PLEKHA7: variants seen among roughly 807,000 people sequenced by gnomAD.
PLEKHA7 encodes pleckstrin homology domain containing A7, also known as pleckstrin homology domain-containing family A member 7.
In PLEKHA7, 104 loss-of-function variants were observed where a neutral mutation model predicts 170.0. The observed-to-expected ratio is 0.61, with a 90% confidence interval of 0.52 to 0.72. The LOEUF is 0.72. PLEKHA7 is among the 30% of genes least tolerant of loss of function. The pLI is 0.00. For synonymous variants in PLEKHA7, 648 were observed against 660.8 expected (o/e 0.98, Z 0.30); for missense variants, 1,615 against 1,671.7 (o/e 0.97, Z 0.59).
At chr11:16,862,608 T>C (rs1305390218) in intron 4 of PLEKHA7, among the ~76,000 whole-genome samples, 1 of 152,210 alleles carries the variant, frequency 6.6e-6, no homozygotes, top group Non-Finnish European at 1.5e-5. Context: ...TGCAGCATTT[T>C]TGCCCAGCAC....
At chr11:17,004,423 A>T in intron 3 of PLEKHA7, among the ~76,000 whole-genome samples, 1 of 139,082 alleles carries the variant, frequency 7.2e-6, no homozygotes, top group East Asian at 2.1e-4. Context: ...ACACTGTTTC[A>T]CTCTTGTCGC....
Position 16,782,906 on chromosome 11 carries a change from G to A in PLEKHA7, c.3651-10C>T, listed in dbSNP as rs1464577861. On this transcript the variant is annotated splice_polypyrimidine_tract_variant and intron_variant, in intron 25 of 26. Transcript: ENST00000531066. ...CTGTAGGTTGCACATGCTGTAGGAGGGTCGGAAGCAGACCATGGGCCCTCC... is the reference window on the plus strand; with the variant it reads ...CTGTAGGTTGCACATGCTGTAGGAGAGTCGGAAGCAGACCATGGGCCCTCC... 6.5e-7 allele frequency: 1 copy of A among 1,535,382 alleles called. No individual in the cohort carries two copies. Among genetic ancestry groups the A allele is most frequent in the African/African-American group, 1.4e-5 (1 of 73,152 alleles).
chr11:16,977,218 G>A (rs148037598), intron 3 of PLEKHA7, among the ~76,000 whole-genome samples: 4 of 152,184 alleles, frequency 2.6e-5, no homozygotes, highest in African/African-American at 7.2e-5. Context: ...AAAAGCTTAC[G>A]ACAGCTCCTA....
intron 3 of PLEKHA7, among the ~76,000 whole-genome samples, chr11:16,954,235 G>A (rs1280312460): frequency 1.3e-5 from 2 of 152,094 alleles, no homozygotes; most frequent in Non-Finnish European, 2.9e-5. Flanking sequence ...ACCAATAATG[G>A]CCAGGCACAG....
chr11:16,861,605 C>T (rs1366357443), intron 4 of PLEKHA7, among the ~76,000 whole-genome samples: 3 of 152,098 alleles, frequency 2.0e-5, no homozygotes, highest in African/African-American at 2.4e-5. Flanking sequence ...GCCGAGATCA[C>T]GTCACTTCAC....
intron 17 of PLEKHA7, among the ~76,000 whole-genome samples, chr11:16,797,896 G>A (rs565187934): frequency 1.4e-4 from 21 of 152,202 alleles, no homozygotes; most frequent in African/African-American, 4.1e-4. Flanking sequence ...AAAGAACAGA[G>A]AGCAGAGAAT....
intron 13 of PLEKHA7, among the ~76,000 whole-genome samples, chr11:16,811,683 G>A (rs1849384177): frequency 6.6e-6 from 1 of 152,232 alleles, no homozygotes; most frequent in Non-Finnish European, 1.5e-5. Context: ...TGTCAAGTGA[G>A]TTAGACAGTC....
Position 16,789,776 on chromosome 11 carries a change from G to A in PLEKHA7, c.3155C>T (p.Pro1052Leu). 6.2e-7 allele frequency: 1 copy of A among 1,613,000 alleles called. No homozygotes were observed. The highest frequency in any genetic ancestry group is 8.5e-7 in the Non-Finnish European group (1 of 1,179,058). Reference protein sequence around the residue: ...LNAESSKATFPRPKSALERLY... With the variant: ...LNAESSKATFLRPKSALERLY... Reference sequence around the variant, plus strand: ...CCTCGACAGCTCAAGGCCACTCACAGGGAAGGTCGCCTTGCTGCTTTCGGC... The same window carrying A: ...CCTCGACAGCTCAAGGCCACTCACAAGGAAGGTCGCCTTGCTGCTTTCGGC... Residue 1052 changes from proline to leucine, a missense_variant and splice_region_variant, in exon 22 of 27, where the codon CCT (proline) becomes CTT (leucine). Pro to Leu is a moderately conservative substitution (Grantham distance 98). Coordinates refer to ENST00000531066, the MANE Select transcript of PLEKHA7 (RefSeq NM_001329630.2). This position sits in a 1 kb window ranked among gnomAD's most constrained non-coding sequence, Gnocchi z 4.6.
chr11:16,976,581 C>T (rs928666078), intron 3 of PLEKHA7, among the ~76,000 whole-genome samples: 1 of 152,200 alleles, frequency 6.6e-6, no homozygotes, highest in African/African-American at 2.4e-5. Context: ...TATTTAACTT[C>T]CCTCTTATGA....
chr11:16,955,074 A>T (rs1443355919), intron 3 of PLEKHA7, among the ~76,000 whole-genome samples: 1 of 152,124 alleles, frequency 6.6e-6, no homozygotes, highest in Non-Finnish European at 1.5e-5. Context: ...TATCAGATGG[A>T]TTTTTTATTT....
intron 3 of PLEKHA7, among the ~76,000 whole-genome samples, chr11:16,938,206 G>A (rs1448324001): frequency 6.6e-6 from 1 of 152,082 alleles, no homozygotes; most frequent in Non-Finnish European, 1.5e-5. Flanking sequence ...TAAGGTTAAG[G>A]GGTTGAGATG....
chr11:16,843,053 C>A (rs758075926), intron 8 of PLEKHA7, among the ~76,000 whole-genome samples: 1 of 152,208 alleles, frequency 6.6e-6, no homozygotes. Flanking sequence ...GTAAGCTACA[C>A]GAGAGTGGGA....
chr11:16,829,086 C>T (rs539109764), intron 9 of PLEKHA7, among the ~76,000 whole-genome samples: 201 of 151,940 alleles, frequency 1.3e-3, no homozygotes, highest in Non-Finnish European at 8.8e-4. Flanking sequence ...TCACTGCAGC[C>T]TTGATCTGCT....
intron 3 of PLEKHA7, among the ~76,000 whole-genome samples, chr11:16,921,410 C>A (rs1419803893): frequency 6.6e-6 from 1 of 152,232 alleles, no homozygotes; most frequent in Non-Finnish European, 1.5e-5. Context: ...ATCAGCCCCA[C>A]AGACCCTATG....
At chr11:16,808,353 C>T (rs1849132801) in intron 13 of PLEKHA7, among the ~76,000 whole-genome samples, 1 of 152,152 alleles carries the variant, frequency 6.6e-6, no homozygotes, top group Non-Finnish European at 1.5e-5. Context: ...GACCTCAAAC[C>T]CTAGTGTGCA....
At chr11:16,996,762 C>T (rs1864364149) in intron 3 of PLEKHA7, among the ~76,000 whole-genome samples, 1 of 152,102 alleles carries the variant, frequency 6.6e-6, no homozygotes, top group Non-Finnish European at 1.5e-5. Flanking sequence ...CGGTGAAACC[C>T]CGTCTCTACT....
At chr11:16,970,529 T>C (rs1862644253) in intron 3 of PLEKHA7, among the ~76,000 whole-genome samples, 1 of 151,880 alleles carries the variant, frequency 6.6e-6, no homozygotes, top group Non-Finnish European at 1.5e-5. Context: ...TAGCCAGATG[T>C]GGTGGTGTGT....
intron 21 of PLEKHA7, 76 bp downstream of exon 21, chr11:16,790,722 G>A: frequency 6.9e-7 from 1 of 1,440,212 alleles, no homozygotes; most frequent in East Asian, 2.3e-5. Context: ...AGGCAGAAGG[G>A]TACGAGGCAC....
chr11:16,855,620 T>C (rs1853372214), intron 5 of PLEKHA7, 183 bp downstream of exon 5: 2 of 597,404 alleles, frequency 3.3e-6, no homozygotes, highest in Admixed American at 6.2e-5. Context: ...AGCAATCACC[T>C]GTTCTGCTGG....
Sources: gnomAD v4.1 joint callset for allele counts (sites outside exome capture counted in the v4.1 genomes callset) on GRCh38, gnomAD v4.1.1 for gene constraint, Gnocchi (gnomAD v3.1) non-coding constraint, MANE v1.5 for transcripts, NCBI Gene and HGNC (gene_info 2026-07-23, HGNC 2026-07-21) for gene names.